LRRC7: variants seen among roughly 807,000 people sequenced by gnomAD.
The protein encoded by LRRC7 is leucine rich repeat containing 7.
LRRC7 carries 23 observed loss-of-function variants against 175.7 expected under a neutral mutation model. The ratio of observed to expected loss-of-function variants is 0.13; its 90% confidence interval spans 0.09 to 0.19. LRRC7 has a LOEUF of 0.19. LRRC7 is among the 10% of genes least tolerant of loss of function. The pLI is 1.00. For synonymous variants in LRRC7, 685 were observed against 680.9 expected (o/e 1.01, Z -0.09); for missense variants, 1,354 against 1,904.7 (o/e 0.71, Z 5.38).
chr1:70,072,533 C>T lies in LRRC7; in HGVS notation c.4231-3544C>T, dbSNP rs529940081. Reference sequence around the variant, plus strand: ...TTCTTTGCTTTCTACAGCTGTCATTCCCCAACATCATTCATCACAGCCTAT... The same window carrying T: ...TTCTTTGCTTTCTACAGCTGTCATTTCCCAACATCATTCATCACAGCCTAT... On this transcript the variant is annotated intron_variant, in intron 23 of 26. Transcript: ENST00000651989. 2.6e-5 allele frequency among the ~76,000 whole-genome samples: 4 copies of T among 152,100 alleles called. No individual in the cohort carries two copies. In the East Asian group the frequency reaches 7.7e-4, roughly 29 times the overall value.
chr1:70,062,340 C>T (rs535538042), intron 23 of LRRC7, among the ~76,000 whole-genome samples: 1 of 152,212 alleles, frequency 6.6e-6, no homozygotes, highest in African/African-American at 2.4e-5. Flanking sequence ...AATCAAGTTG[C>T]ACTCCTTTTA....
intron 8 of LRRC7, among the ~76,000 whole-genome samples, chr1:69,971,883 C>T (rs531438205): frequency 8.5e-5 from 13 of 152,066 alleles, no homozygotes; most frequent in South Asian, 6.2e-4. Flanking sequence ...ACTATAAGGC[C>T]GTAGTCACCA....
intron 1 of LRRC7, among the ~76,000 whole-genome samples, chr1:69,605,839 A>C (rs912766388): frequency 6.6e-6 from 1 of 152,150 alleles, no homozygotes; most frequent in Non-Finnish European, 1.5e-5. Context: ...TAGAATGAAA[A>C]TCTACTTTGA....
chr1:69,884,370 T>G (rs1376992183), intron 7 of LRRC7, among the ~76,000 whole-genome samples: 1 of 94,128 alleles, frequency 1.1e-5, no homozygotes, highest in Non-Finnish European at 2.2e-5. Context: ...TTATTCTCTT[T>G]GAAGCAATTG....
chr1:69,583,449 A>G (rs138308499), intron 1 of LRRC7, among the ~76,000 whole-genome samples: 177 of 152,228 alleles, frequency 1.2e-3, no homozygotes, highest in African/African-American at 4.0e-3. Flanking sequence ...TTCAAGGGTA[A>G]CACAGTCACC....
chr1:70,028,147 A>T, intron 17 of LRRC7, 24 bp from the exon 18 acceptor site: 1 of 1,586,122 alleles, frequency 6.3e-7, no homozygotes, highest in Non-Finnish European at 8.6e-7. Flanking sequence ...TTTTTATGTT[A>T]AATTTCTTTT....
chr1:69,857,232 C>T (rs1327022869), intron 7 of LRRC7, among the ~76,000 whole-genome samples: 1 of 152,150 alleles, frequency 6.6e-6, no homozygotes, highest in Non-Finnish European at 1.5e-5. Flanking sequence ...CTCACCACTC[C>T]TATTCAACAT....
intron 3 of LRRC7, among the ~76,000 whole-genome samples, chr1:69,790,165 A>G (rs1349909948): frequency 2.0e-5 from 3 of 152,026 alleles, no homozygotes; most frequent in Non-Finnish European, 4.4e-5. Context: ...TAGGTAATGT[A>G]TTGTTCTCAT....
At chr1:70,016,751 C>T (rs1161684794) in intron 14 of LRRC7, among the ~76,000 whole-genome samples, 2 of 152,094 alleles carry the variant, frequency 1.3e-5, no homozygotes, top group South Asian at 2.1e-4. Flanking sequence ...TTCTATTTAA[C>T]ATCTACTTAA....
chr1:70,059,954 C>G (rs1661448506), intron 23 of LRRC7, among the ~76,000 whole-genome samples: 1 of 151,824 alleles, frequency 6.6e-6, no homozygotes, highest in Non-Finnish European at 1.5e-5. Context: ...TAAGAAAAAT[C>G]ACCTCAACCT....
chr1:70,133,054 T>A lies in LRRC7; in HGVS notation c.*11167T>A, dbSNP rs967294717. Among the ~76,000 whole-genome samples, 1 of 152,134 alleles carries A rather than the reference T, an allele frequency of 6.6e-6. No individual in the cohort carries two copies. The highest frequency in any genetic ancestry group is 6.5e-5 in the Admixed American group (1 of 15,278). On this transcript the variant is annotated 3_prime_UTR_variant, in exon 27 of 27. Coordinates refer to ENST00000651989, the MANE Select transcript of LRRC7 (RefSeq NM_001370785.2). ...CTGCGTTCAACTCTGACAAATACTA[T>A]CCTCATATTTAGTTGTACACATCCG... is the stretch of plus-strand genomic sequence containing the variant.
intron 22 of LRRC7, 93 bp downstream of exon 22, chr1:70,044,187 C>G (rs1156293662): frequency 7.4e-7 from 1 of 1,346,204 alleles, no homozygotes; most frequent in Non-Finnish European, 1.0e-6. Context: ...TACAACCCTG[C>G]TTACTATAGG....
rs533605817 is a variant in LRRC7, at chr1:69,821,724, T to A, written c.422-4024T>A. On this transcript the variant is annotated intron_variant, in intron 4 of 26. Transcript: ENST00000651989. Reference sequence around the variant, plus strand: ...GCCTGGCCAACCTGATGAAACCCCATCTCTACTAAAAATACAAAAAATTAG... The same window carrying A: ...GCCTGGCCAACCTGATGAAACCCCAACTCTACTAAAAATACAAAAAATTAG... 1.8e-4 allele frequency among the ~76,000 whole-genome samples: 27 copies of A among 151,988 alleles called. No homozygotes were observed. In the South Asian group the frequency reaches 3.1e-3, roughly 18 times the overall value.
Position 69,981,409 on chromosome 1 carries a change from G to C in LRRC7, c.786+956G>C, listed in dbSNP as rs554739506. On this transcript the variant is annotated intron_variant, in intron 9 of 26. Transcript: ENST00000651989. ...CATAAAGGAGAAAATCTGAAACAAA[G>C]ATTATGGAAAAATAATTAATGCTTT... Among the ~76,000 whole-genome samples the C allele has an allele frequency of 9.4e-4, 143 of 152,180 alleles. 2 individuals are homozygous for C. In the South Asian group the frequency reaches 0.029, roughly 31 times the overall value.
intron 1 of LRRC7, among the ~76,000 whole-genome samples, chr1:69,676,143 T>A (rs1659745091): frequency 6.6e-6 from 1 of 151,902 alleles, no homozygotes. Flanking sequence ...GGAGTAGTAT[T>A]ATGTTATTAT....
intron 9 of LRRC7, among the ~76,000 whole-genome samples, chr1:69,983,318 G>A (rs140591881): frequency 7.9e-5 from 12 of 152,304 alleles, no homozygotes; most frequent in African/African-American, 2.9e-4. Flanking sequence ...ATTTGCACTG[G>A]GTTAATTAAG....
chr1:69,867,921 A>C (rs947620882), intron 7 of LRRC7, among the ~76,000 whole-genome samples: 1 of 152,140 alleles, frequency 6.6e-6, no homozygotes, highest in African/African-American at 2.4e-5. Flanking sequence ...AAATTCCATA[A>C]AATTAAATTA....
intron 3 of LRRC7, among the ~76,000 whole-genome samples, chr1:69,782,056 G>C: frequency 6.6e-6 from 1 of 152,100 alleles, no homozygotes; most frequent in Non-Finnish European, 1.5e-5. Flanking sequence ...CCTTGTAAAA[G>C]TTACCTCCTG....
At chr1:69,890,330 T>C (rs1018367094) in intron 7 of LRRC7, among the ~76,000 whole-genome samples, 1 of 152,234 alleles carries the variant, frequency 6.6e-6, no homozygotes, top group African/African-American at 2.4e-5. Flanking sequence ...TGGGAGCTTT[T>C]GGGTGACTAG....
Sources: allele counts gnomAD v4.1 joint callset (sites outside exome capture counted in the v4.1 genomes callset), GRCh38; gene constraint gnomAD v4.1.1; transcripts MANE v1.5; gene names NCBI Gene and HGNC (gene_info 2026-07-23, HGNC 2026-07-21).